Variants in TCP11L2 observed in about 807,000 individuals in gnomAD.
TCP11L2 encodes the protein t-complex 11 like 2, also known as T-complex protein 11-like protein 2.
A neutral mutation model predicts 50.7 loss-of-function variants in TCP11L2; 39 were observed. That is an observed-to-expected ratio of 0.77 (90% CI 0.60 to 1.01). The LOEUF (loss-of-function observed/expected upper bound fraction) is 1.01, where lower values mean the gene tolerates loss of function less well. Among genes scored for constraint, TCP11L2 ranks in the 50% least tolerant of loss-of-function variants. The probability of loss-of-function intolerance (pLI) is 0.00; values close to 1 mark genes in which losing one functional copy is unlikely to be tolerated. For synonymous variants in TCP11L2, 192 were observed against 219.3 expected, an observed-to-expected ratio of 0.88 and a Z score of 1.10; for missense variants, 612 against 614.7, an observed-to-expected ratio of 1.00 and a Z score of 0.05.
intron 6 of TCP11L2, among the ~76,000 whole-genome samples, chr12:106,334,574 C>A (rs1302886521): frequency 6.6e-6 from 1 of 152,162 alleles, no homozygotes; most frequent in Non-Finnish European, 1.5e-5. Flanking sequence ...TTTACTCTCC[C>A]TCCACTAATT....
At chr12:106,321,054 T>G (rs1215875069) in intron 4 of TCP11L2, among the ~76,000 whole-genome samples, 1 of 152,194 alleles carries the variant, frequency 6.6e-6, no homozygotes, top group Non-Finnish European at 1.5e-5. Context: ...ATTTAGAAGT[T>G]TGGTGATTTT....
intron 6 of TCP11L2, 114 bp downstream of exon 6, chr12:106,323,760 T>A: frequency 2.2e-6 from 1 of 455,250 alleles, no homozygotes; most frequent in Non-Finnish European, 3.3e-6. Flanking sequence ...ATAAATAAAA[T>A]TTAATTTAAT....
intron 1 of TCP11L2, among the ~76,000 whole-genome samples, chr12:106,305,090 G>A (rs980767303): frequency 6.6e-6 from 1 of 152,148 alleles, no homozygotes; most frequent in African/African-American, 2.4e-5. Context: ...GTGGTAGAGA[G>A]CATGGGTTTT....
chr12:106,343,087 G>A (rs774715825), intron 9 of TCP11L2, among the ~76,000 whole-genome samples: 4 of 152,076 alleles, frequency 2.6e-5, no homozygotes, highest in African/African-American at 7.2e-5. Flanking sequence ...TCTCTTCTTC[G>A]ACTCTGGAAG....
chr12:106,312,672 C>G (rs1411234407), intron 2 of TCP11L2, among the ~76,000 whole-genome samples: 1 of 152,114 alleles, frequency 6.6e-6, no homozygotes, highest in African/African-American at 2.4e-5. Flanking sequence ...CACCTGAGGT[C>G]AGGAGTTCAA....
intron 9 of TCP11L2, among the ~76,000 whole-genome samples, chr12:106,343,509 A>G (rs983513378): frequency 1.4e-4 from 21 of 152,154 alleles, no homozygotes; most frequent in Admixed American, 7.9e-4. Flanking sequence ...TTGATGCGCT[A>G]TTTATTTACT....
intron 1 of TCP11L2, among the ~76,000 whole-genome samples, chr12:106,308,770 AG>A (rs1261707464): frequency 3.3e-5 from 5 of 152,234 alleles, no homozygotes; most frequent in Admixed American, 6.5e-5. Flanking sequence ...GGGCTTTGGC[AG>A]TACCAGCCTG....
intron 3 of TCP11L2, among the ~76,000 whole-genome samples, chr12:106,317,495 G>A (rs1592942696): frequency 1.3e-5 from 2 of 152,202 alleles, no homozygotes; most frequent in South Asian, 2.1e-4. Flanking sequence ...CAGCCTGGGC[G>A]ACAGAGTGAG....
At chr12:106,318,531 A>G in intron 4 of TCP11L2, 67 bp downstream of exon 4, 1 of 1,592,584 alleles carries the variant, frequency 6.3e-7, no homozygotes, top group Non-Finnish European at 8.6e-7. Context: ...ACAGACTGGC[A>G]TAGCCTGGGT....
chr12:106,315,376 T>G (rs1326760777), intron 3 of TCP11L2, among the ~76,000 whole-genome samples: 1 of 152,204 alleles, frequency 6.6e-6, no homozygotes, highest in Non-Finnish European at 1.5e-5. Flanking sequence ...AATTAATCCC[T>G]TTGCTACAGA....
At chr12:106,328,971 A>G (rs2035651407) in intron 6 of TCP11L2, among the ~76,000 whole-genome samples, 1 of 152,134 alleles carries the variant, frequency 6.6e-6, no homozygotes, top group African/African-American at 2.4e-5. Context: ...GGTCGGGAAG[A>G]TGGGGCCTCT....
intron 3 of TCP11L2, among the ~76,000 whole-genome samples, chr12:106,316,945 T>C (rs1347572453): frequency 6.6e-6 from 1 of 152,020 alleles, no homozygotes; most frequent in Non-Finnish European, 1.5e-5. Context: ...AAGTGGCGAG[T>C]ACAGGCCATA....
At chr12:106,313,956 C>T (rs978105935) in intron 2 of TCP11L2, among the ~76,000 whole-genome samples, 23 of 151,786 alleles carry the variant, frequency 1.5e-4, no homozygotes, top group Admixed American at 7.2e-4. Flanking sequence ...TTAGTAGAGA[C>T]GGGGTTTCAC....
intron 6 of TCP11L2, 123 bp downstream of exon 6, chr12:106,323,769 A>T: frequency 2.1e-6 from 1 of 483,704 alleles, no homozygotes; most frequent in Non-Finnish European, 3.1e-6. Flanking sequence ...ATTTAATTTA[A>T]TTTAAATTAA....
upstream of TCP11L2, among the ~76,000 whole-genome samples, chr12:106,298,608 G>GC (rs1310739338): frequency 2.6e-5 from 4 of 151,854 alleles, no homozygotes; most frequent in Non-Finnish European, 4.4e-5. Context: ...TGCAACCTCC[G>GC]CCCCCCAGGT....
intron 2 of TCP11L2, among the ~76,000 whole-genome samples, chr12:106,312,674 G>C (rs972076374): frequency 2.6e-5 from 4 of 152,178 alleles, no homozygotes; most frequent in Admixed American, 6.5e-5. Context: ...CCTGAGGTCA[G>C]GAGTTCAAGA....
chr12:106,315,936 C>G (rs1394781529), intron 3 of TCP11L2, among the ~76,000 whole-genome samples: 1 of 152,192 alleles, frequency 6.6e-6, no homozygotes, highest in African/African-American at 2.4e-5. Flanking sequence ...AATATTTGAT[C>G]CCATTCAGAA....
intron 3 of TCP11L2, among the ~76,000 whole-genome samples, chr12:106,316,214 G>T (rs778221524): frequency 6.6e-6 from 1 of 151,432 alleles, no homozygotes; most frequent in East Asian, 2.0e-4. Context: ...ACTGGTTGCC[G>T]TGTCTCCTTT....
At chr12:106,316,576 A>G (rs2035091433) in intron 3 of TCP11L2, among the ~76,000 whole-genome samples, 1 of 152,276 alleles carries the variant, frequency 6.6e-6, no homozygotes, top group South Asian at 2.1e-4. Flanking sequence ...GTCTGAACAC[A>G]AAGGTCACTG....
Sources: allele counts gnomAD v4.1 joint callset (sites outside exome capture counted in the v4.1 genomes callset), GRCh38; gene constraint gnomAD v4.1.1; transcripts MANE v1.5; gene names NCBI Gene and HGNC (gene_info 2026-07-23, HGNC 2026-07-21).